GLP2R: variants seen among roughly 807,000 people sequenced by gnomAD.
The protein encoded by GLP2R is glucagon-like peptide 2 receptor.
In GLP2R, 59 loss-of-function variants were observed where a neutral mutation model predicts 68.2. That is an observed-to-expected ratio of 0.87 (90% CI 0.70 to 1.07). GLP2R has a LOEUF of 1.07. GLP2R is among the 50% of genes least tolerant of loss of function. The pLI is 0.00. For synonymous variants in GLP2R, 270 were observed against 265.4 expected (o/e 1.02, Z -0.17); for missense variants, 548 against 677.4 (o/e 0.81, Z 2.12).
chr17:9,854,304 T>G (rs1245932313), intron 4 of GLP2R, among the ~76,000 whole-genome samples, 191 bp from the exon 5 acceptor site: 1 of 152,234 alleles, frequency 6.6e-6, no homozygotes, highest in Non-Finnish European at 1.5e-5. Flanking sequence ...TTAAGGCTCC[T>G]TGGCCTCTGA....
intron 4 of GLP2R, among the ~76,000 whole-genome samples, chr17:9,851,579 A>T (rs983983606): frequency 1.3e-5 from 2 of 152,234 alleles, no homozygotes; most frequent in African/African-American, 4.8e-5. Flanking sequence ...ATCTAGATGA[A>T]GTCCATAGAG....
chr17:9,835,835 G>C (rs989035944), intron 2 of GLP2R, among the ~76,000 whole-genome samples: 2 of 151,970 alleles, frequency 1.3e-5, no homozygotes, highest in African/African-American at 4.8e-5. Flanking sequence ...GAAGTCAGGA[G>C]TTCGAGACCA....
intron 10 of GLP2R, among the ~76,000 whole-genome samples, chr17:9,875,914 G>C (rs2067138698): frequency 6.6e-6 from 1 of 152,162 alleles, no homozygotes; most frequent in African/African-American, 2.4e-5. Context: ...TTTCACTCTT[G>C]TTGCCCATGC....
chr17:9,878,601 C>T (rs2067162014), intron 10 of GLP2R, among the ~76,000 whole-genome samples: 1 of 152,236 alleles, frequency 6.6e-6, no homozygotes, highest in Non-Finnish European at 1.5e-5. Flanking sequence ...GTCTGCTCAT[C>T]AGCCTTTCCT....
chr17:9,886,611 G>A (rs1030612584), intron 11 of GLP2R, among the ~76,000 whole-genome samples: 2 of 152,158 alleles, frequency 1.3e-5, no homozygotes, highest in African/African-American at 4.8e-5. Flanking sequence ...GTATGCCCCT[G>A]TTATGGAAGC....
intron 3 of GLP2R, among the ~76,000 whole-genome samples, chr17:9,838,361 G>A (rs1288673745): frequency 1.3e-5 from 2 of 152,164 alleles, no homozygotes; most frequent in South Asian, 4.1e-4. Flanking sequence ...CACAGGGTGC[G>A]TCGCACAGCT....
intron 11 of GLP2R, among the ~76,000 whole-genome samples, chr17:9,885,531 AC>A (rs371739324): frequency 1.6e-3 from 250 of 152,020 alleles, no homozygotes; most frequent in African/African-American, 5.8e-3. Flanking sequence ...GTTGGACAGG[AC>A]CTCAGCTAAG....
At position 9,890,230 on chromosome 17, in the gene GLP2R, C is replaced by T. The variant is rs904285445; in HGVS notation, c.*525C>T. 8.2e-6 allele frequency: 3 copies of T among 366,176 alleles called. No individual in the cohort carries two copies. The highest frequency in any genetic ancestry group is 7.4e-5 in the East Asian group (1 of 13,494). 22.7% of individuals were successfully genotyped at this position (366,176 alleles called of 1,614,324 possible). On this transcript the variant is annotated 3_prime_UTR_variant, in exon 13 of 13. Transcript: ENST00000262441. ...ATCCCAGGTAATTCTGCTGCAAGCC[C>T]ACCCTTGGAGAACACTGGGCAGGGT...
intron 10 of GLP2R, among the ~76,000 whole-genome samples, chr17:9,873,758 C>T (rs1392144625): frequency 6.6e-6 from 1 of 152,014 alleles, no homozygotes. Flanking sequence ...ATTGAAAGAA[C>T]ACATGCTAAT....
rs1289390709 is a variant in GLP2R, at chr17:9,860,013, G to A, written c.837G>A (p.Leu279=). Residue 279 remains leucine, a synonymous_variant, in exon 7 of 13, where the codon CTG becomes CTA. Transcript: ENST00000262441. The stretch of plus-strand genomic sequence containing the variant: ...TGGGTGCCAATTACTTATGGCTGCT[G>A]GTTGAAGGCCTCTACCTCCACACGC... ...YFVGANYLWL[L]VEGLYLHTLL... 3 of 1,613,530 alleles carry A rather than the reference G, an allele frequency of 1.9e-6. No homozygotes were observed. The African/African-American group carries it at 4.0e-5, about 22-fold the overall frequency.
At chr17:9,862,669 G>T (rs932260645) in intron 9 of GLP2R, among the ~76,000 whole-genome samples, 1 of 152,158 alleles carries the variant, frequency 6.6e-6, no homozygotes, top group Admixed American at 6.5e-5. Context: ...TAGGGTGTGA[G>T]AATGAGAACT....
At chr17:9,869,026 C>G (rs1040933325) in intron 9 of GLP2R, among the ~76,000 whole-genome samples, 8 of 152,218 alleles carry the variant, frequency 5.3e-5, no homozygotes, top group Admixed American at 2.6e-4. Flanking sequence ...TGGCTAGGAA[C>G]CTCCATCATT....
intron 4 of GLP2R, among the ~76,000 whole-genome samples, chr17:9,844,362 C>T (rs55966881): frequency 0.26 from 39,574 of 151,944 alleles, 6,864 homozygotes; most frequent in Non-Finnish European, 0.39. Context: ...TTATGGAGAT[C>T]GGAGACTGGG....
chr17:9,879,631 A>ACCACCAGTATGCAACATTTGGGTC (rs2067176550), intron 10 of GLP2R, among the ~76,000 whole-genome samples: 1 of 152,210 alleles, frequency 6.6e-6, no homozygotes, highest in Non-Finnish European at 1.5e-5. Context: ...ACGTTTGGGA[A>ACCACCAGTATGCAACATTTGGGTC]CCACCAGTAT....
chr17:9,872,526 G>C (rs999688541), intron 10 of GLP2R, among the ~76,000 whole-genome samples: 1 of 152,212 alleles, frequency 6.6e-6, no homozygotes, highest in East Asian at 1.9e-4. Context: ...GCAGTAAGCC[G>C]AGATCGTGCC....
intron 6 of GLP2R, among the ~76,000 whole-genome samples, 177 bp downstream of exon 6, chr17:9,857,753 C>T (rs1238669522): frequency 1.6e-5 from 2 of 127,448 alleles, no homozygotes; most frequent in African/African-American, 3.7e-5. Context: ...CAAGAGCAGG[C>T]CAGGTGAAAG....
intron 9 of GLP2R, among the ~76,000 whole-genome samples, chr17:9,868,148 G>A (rs1449149366): frequency 2.6e-5 from 4 of 152,142 alleles, no homozygotes; most frequent in African/African-American, 9.7e-5. Flanking sequence ...AAGGAGAAAG[G>A]GCTTCCTTCC....
rs1597384794 is a variant in GLP2R, at chr17:9,848,391, T to C, written c.504+5775T>C. On this transcript the variant is annotated intron_variant, in intron 4 of 12. Transcript: ENST00000262441. Reference sequence around the variant, plus strand: ...CAGTAGGCACTTAATAAATACTACATGAATGGCTTCACAAATTCTGAGCCA... The same window carrying C: ...CAGTAGGCACTTAATAAATACTACACGAATGGCTTCACAAATTCTGAGCCA... 2.6e-5 allele frequency among the ~76,000 whole-genome samples: 4 copies of C among 152,158 alleles called. No individual in the cohort carries two copies. In the South Asian group the frequency reaches 8.3e-4, roughly 32 times the overall value.
At position 9,862,147 on chromosome 17, in the gene GLP2R, C is replaced by A. The variant is rs2152040481; in HGVS notation, c.1056+57C>A. The A allele has an allele frequency of 4.8e-6, 6 of 1,244,572 alleles. No homozygotes were observed. The East Asian group carries it at 1.4e-4, about 29-fold the overall frequency. The allele number at this position is 1,244,572 out of a possible 1,614,324, so 77.1% of individuals were successfully genotyped here. A position where few individuals can be genotyped will look rare whatever the true frequency, so the allele number is the denominator to read the frequency against. ...GGAGCCTAGCAGCTGTGGGGAATCC[C>A]CCCGCCCCACCCGACTTCTGTCCCC... On this transcript the variant is annotated intron_variant, in intron 9 of 12. Coordinates refer to ENST00000262441, the MANE Select transcript of GLP2R (RefSeq NM_004246.3).
Sources: gnomAD v4.1 joint callset for allele counts (sites outside exome capture counted in the v4.1 genomes callset) on GRCh38, gnomAD v4.1.1 for gene constraint, MANE v1.5 for transcripts, NCBI Gene and HGNC (gene_info 2026-07-23, HGNC 2026-07-21) for gene names.